The following APLP2 variants were observed in gnomAD, a reference collection of about 807,000 sequenced individuals.
APLP2 encodes amyloid beta precursor like protein 2.
A neutral mutation model predicts 89.9 loss-of-function variants in APLP2; 53 were observed. The observed-to-expected ratio is 0.59, with a 90% CI of 0.47 to 0.74. The LOEUF is 0.74. Ranked by LOEUF, APLP2 falls within the 30% of genes least tolerant of loss-of-function variation. APLP2 has a pLI of 0.00. For synonymous variants in APLP2, 372 were observed against 348.6 expected (o/e 1.07, Z -0.75); for missense variants, 973 against 975.9 (o/e 1.00, Z 0.04).
chr11:130,075,794 G>A (rs1942025987), intron 1 of APLP2, among the ~76,000 whole-genome samples: 1 of 152,174 alleles, frequency 6.6e-6, no homozygotes, highest in African/African-American at 2.4e-5. Context: ...GCTCTGTCCT[G>A]TCAGTGTGGT....
chr11:130,111,698 G>A (rs1418565257), intron 3 of APLP2, among the ~76,000 whole-genome samples: 9 of 152,106 alleles, frequency 5.9e-5, no homozygotes, highest in East Asian at 1.9e-4. Context: ...GCTTACCACC[G>A]TTTACTTTAA....
rs985569106 is a variant in APLP2, at chr11:130,126,754, C to T, written c.1145C>T (p.Ala382Val). 6 of 1,614,086 alleles carry T rather than the reference C, an allele frequency of 3.7e-6. No homozygotes were observed. Among genetic ancestry groups the T allele is most frequent in the African/African-American group, 2.7e-5 (2 of 74,916 alleles). Residue 382 changes from alanine to valine, a missense_variant, in exon 8 of 17, where the codon GCA (alanine) becomes GTA (valine). Coordinates refer to ENST00000338167, the MANE Select transcript of APLP2 (RefSeq NM_001142276.2). ...GTTGATGTGTATTTCGAGACCTCTG[C>T]AGATGATAATGAGCATGCTCGCTTC... ...NDVDVYFETS[A>V]DDNEHARFQK... is the part of the protein sequence containing the mutation.
chr11:130,092,142 C>T (rs1166051931), intron 1 of APLP2, among the ~76,000 whole-genome samples: 1 of 135,032 alleles, frequency 7.4e-6, no homozygotes, highest in Non-Finnish European at 1.6e-5. Context: ...GGCAGAGACG[C>T]TCCTCACTTC....
intron 4 of APLP2, 69 bp downstream of exon 4, chr11:130,120,887 A>T: frequency 2.8e-6 from 3 of 1,060,438 alleles, no homozygotes; most frequent in African/African-American, 3.1e-5. Context: ...CTTTTCTCCA[A>T]ATCTCACCAT....
chr11:130,077,478 C>G (rs529990031), intron 1 of APLP2, among the ~76,000 whole-genome samples: 1 of 152,234 alleles, frequency 6.6e-6, no homozygotes, highest in East Asian at 1.9e-4. Context: ...GAGAGGTGAA[C>G]TATTAGAGCT....
chr11:130,091,668 C>T (rs1444345642), intron 1 of APLP2, among the ~76,000 whole-genome samples: 14 of 111,844 alleles, frequency 1.3e-4, no homozygotes, highest in Admixed American at 3.3e-4. Flanking sequence ...TAGGGGCGGC[C>T]GGGCAGAGGC....
At chr11:130,129,962 T>C (rs1209091918) in intron 10 of APLP2, 76 bp from the exon 11 acceptor site, 1 of 1,532,408 alleles carries the variant, frequency 6.5e-7, no homozygotes, top group Admixed American at 1.8e-5. Context: ...TTAAGTGAAC[T>C]TTTTAAGCTT....
intron 1 of APLP2, among the ~76,000 whole-genome samples, chr11:130,108,378 A>G (rs1406346425): frequency 2.0e-5 from 3 of 152,230 alleles, no homozygotes; most frequent in Admixed American, 6.5e-5. Context: ...AATCAACCCC[A>G]TCAACAAGTG....
intron 1 of APLP2, among the ~76,000 whole-genome samples, chr11:130,097,647 C>T (rs1296067072): frequency 6.6e-6 from 1 of 152,046 alleles, no homozygotes; most frequent in Non-Finnish European, 1.5e-5. Context: ...CAGTGAGCTC[C>T]AGCCTGGGCG....
intron 4 of APLP2, among the ~76,000 whole-genome samples, chr11:130,121,132 G>A (rs1419198507): frequency 6.6e-6 from 1 of 152,208 alleles, no homozygotes; most frequent in Non-Finnish European, 1.5e-5. Context: ...GAAATCGCCA[G>A]TGATAGAAAA....
At chr11:130,072,474 CTTTTT>C (rs562054930) in intron 1 of APLP2, among the ~76,000 whole-genome samples, 3 of 110,292 alleles carry the variant, frequency 2.7e-5, no homozygotes. Context: ...GGAATATCGT[CTTTTT>C]TTTTTTTTTT....
At chr11:130,115,139 A>G (rs1591815447) in intron 3 of APLP2, among the ~76,000 whole-genome samples, 1 of 152,288 alleles carries the variant, frequency 6.6e-6, no homozygotes, top group East Asian at 1.9e-4. Context: ...TACAGCTTTT[A>G]CCAGCTCCCT....
At position 130,143,673 on chromosome 11, in the gene APLP2, GA is replaced by G; in HGVS notation, c.*232del. 2 of 444,286 alleles carry G rather than the reference GA, an allele frequency of 4.5e-6. No individual in the cohort carries two copies. The highest frequency in any genetic ancestry group is 8.1e-6 in the Non-Finnish European group (2 of 247,112). The allele number at this position is 444,286 out of a possible 1,614,324, so 27.5% of individuals were successfully genotyped here. A position where few individuals can be genotyped will look rare whatever the true frequency, so the allele number is the denominator to read the frequency against. On this transcript the variant is annotated 3_prime_UTR_variant, in exon 17 of 17. Transcript: ENST00000338167. ...AATATATGATATATAAACCTTAAAT[GA>G]AAAAAATGATCTATTGCAGATATTT...
At chr11:130,127,198 A>G (rs534990655) in intron 8 of APLP2, among the ~76,000 whole-genome samples, 15 of 152,070 alleles carry the variant, frequency 9.9e-5, no homozygotes, top group Non-Finnish European at 2.2e-4. Context: ...ATACAAATAT[A>G]TTAGATGAAA....
rs1946151589 is a variant in APLP2 at position 130,095,990 on chromosome 11, A to G, written c.106-13439A>G. On this transcript the variant is annotated intron_variant, in intron 1 of 16. Coordinates refer to ENST00000338167, the MANE Select transcript of APLP2 (RefSeq NM_001142276.2). ...TCTAGTGATGGGAGATGGACACTGC[A>G]GATGAATGAGCAAGGTCGTTTCAGA... 2.0e-5 allele frequency among the ~76,000 whole-genome samples: 3 copies of G among 152,236 alleles called. No homozygotes were observed. The South Asian group carries it at 6.2e-4, about 31-fold the overall frequency.
chr11:130,099,304 T>G (rs747385552), intron 1 of APLP2, among the ~76,000 whole-genome samples: 19 of 152,106 alleles, frequency 1.2e-4, no homozygotes, highest in Non-Finnish European at 1.9e-4. Context: ...TGTTATAGTG[T>G]GAAAAAAAGT....
rs960293923 is a variant in APLP2, at chr11:130,143,340, C to T, written c.2155-7C>T. The T allele has an allele frequency of 1.2e-6, 2 of 1,613,622 alleles. No homozygotes were observed. The highest frequency in any genetic ancestry group is 1.7e-6 in the Non-Finnish European group (2 of 1,179,742). ...ACCACAATGACCCTCAGGTTTTGTT[C>T]TTCCAGGTTGATCCAATGCTCACCC... On this transcript the variant is annotated splice_polypyrimidine_tract_variant and splice_region_variant and intron_variant, in intron 16 of 16. Transcript: ENST00000338167.
rs74677733 is a variant in APLP2 at position 130,134,787 on chromosome 11, G to A, written c.1685-776G>A. Among the ~76,000 whole-genome samples the A allele has an allele frequency of 9.1e-3, 1,393 of 152,256 alleles. 18 individuals carry two copies. The highest frequency in any genetic ancestry group is 0.032 in the African/African-American group (1,328 of 41,538). On this transcript the variant is annotated intron_variant, in intron 12 of 16. Transcript: ENST00000338167. ...TTCTGGTGGGAGTGTGTGGGGCTGC[G>A]CCCAGGGCTGCGTGTGGGGTTGGGG... is the stretch of plus-strand genomic sequence containing the variant.
intron 3 of APLP2, among the ~76,000 whole-genome samples, chr11:130,115,317 G>A (rs1486086242): frequency 6.6e-6 from 1 of 152,170 alleles, no homozygotes; most frequent in African/African-American, 2.4e-5. Flanking sequence ...GTCAGGGTAT[G>A]TAGTAGATTT....
Sources: gnomAD v4.1 joint callset for allele counts (sites outside exome capture counted in the v4.1 genomes callset) on GRCh38, gnomAD v4.1.1 for gene constraint, MANE v1.5 for transcripts, NCBI Gene and HGNC (gene_info 2026-07-23, HGNC 2026-07-21) for gene names.